Variants in ERAP1 observed in about 807,000 individuals in gnomAD.
The protein encoded by ERAP1 is adipocyte-derived leucine aminopeptidase.
ERAP1 carries 86 observed loss-of-function variants against 103.7 expected under a neutral mutation model. The ratio of observed to expected loss-of-function variants is 0.83; its 90% CI spans 0.70 to 0.99. ERAP1 has a LOEUF of 0.99. Ranked by LOEUF, ERAP1 falls within the 50% of genes least tolerant of loss-of-function variation. The pLI is 0.00. For missense variants in ERAP1, 1,009 were observed against 1,128.4 expected, an observed-to-expected ratio of 0.89 and a Z score of 1.52; for synonymous variants, 398 against 402.4, an observed-to-expected ratio of 0.99 and a Z score of 0.13.
At chr5:96,856,526 C>T in the ERAP1 span, among the ~76,000 whole-genome samples, 30 of 151,708 alleles carry the variant, frequency 2.0e-4, no homozygotes, top group East Asian at 4.9e-3. Context: ...TCAAACCCTA[C>T]GTCGTATCTT....
chr5:96,931,664 T>C, the ERAP1 span, among the ~76,000 whole-genome samples: 1 of 152,248 alleles, frequency 6.6e-6, no homozygotes, highest in South Asian at 2.1e-4. Flanking sequence ...AATATAGTTT[T>C]GGTAAATGAG....
chr5:96,853,363 T>G, the ERAP1 span, among the ~76,000 whole-genome samples: 1 of 152,146 alleles, frequency 6.6e-6, no homozygotes, highest in Non-Finnish European at 1.5e-5. Context: ...TGGAAAGAGA[T>G]GAGAAGTCTG....
At chr5:96,800,647 T>A (rs1393448235) in intron 3 of ERAP1, among the ~76,000 whole-genome samples, 1 of 152,338 alleles carries the variant, frequency 6.6e-6, no homozygotes, top group East Asian at 1.9e-4. Flanking sequence ...AATGGCACTG[T>A]TACTGAAATC....
chr5:96,905,595 T>C, the ERAP1 span, among the ~76,000 whole-genome samples: 2 of 152,122 alleles, frequency 1.3e-5, no homozygotes, highest in Non-Finnish European at 2.9e-5. Flanking sequence ...ATTTAAGAAT[T>C]AAAGGAGGCC....
At chr5:96,849,258 A>C in the ERAP1 span, among the ~76,000 whole-genome samples, 1 of 152,188 alleles carries the variant, frequency 6.6e-6, no homozygotes, top group African/African-American at 2.4e-5. Flanking sequence ...TAGTACTGGA[A>C]GTCCTAGCCA....
chr5:96,804,070 T>C (rs1778289171), intron 1 of ERAP1, 127 bp from the exon 2 acceptor site: 4 of 1,026,542 alleles, frequency 3.9e-6, no homozygotes, highest in Non-Finnish European at 5.8e-6. Flanking sequence ...TACTAGGTCT[T>C]TTCCTGAAAG....
chr5:96,887,970 C>T, the ERAP1 span, among the ~76,000 whole-genome samples: 2 of 151,574 alleles, frequency 1.3e-5, no homozygotes, highest in Non-Finnish European at 2.9e-5. Flanking sequence ...ACTAAAAATA[C>T]AAAAATTAGC....
At chr5:96,885,888 C>T in the ERAP1 span, among the ~76,000 whole-genome samples, 27 of 152,306 alleles carry the variant, frequency 1.8e-4, no homozygotes, top group South Asian at 2.1e-3. Context: ...ATGCAGCTGA[C>T]GAGACTGCAG....
exon 20 of ERAP1, chr5:96,762,101 C>A: frequency 2.3e-6 from 1 of 439,932 alleles, no homozygotes; most frequent in Non-Finnish European, 4.1e-6. Flanking sequence ...TAAAATAATA[C>A]AATAGAGAAG....
chr5:96,908,993 A>T, the ERAP1 span: 219 of 1,614,094 alleles, frequency 1.4e-4, no homozygotes, highest in Non-Finnish European at 1.6e-4. Context: ...AAAGCTCTTG[A>T]CATGACTTAC....
intron 19 of ERAP1, among the ~76,000 whole-genome samples, chr5:96,764,128 T>G (rs1161543064): frequency 6.6e-6 from 1 of 152,226 alleles, no homozygotes; most frequent in Non-Finnish European, 1.5e-5. Context: ...CACATTTTAA[T>G]TGAATTCATT....
rs1776591725 is a variant in ERAP1, at chr5:96,790,361, G to A, written c.1459C>T (p.Pro487Ser). Reference protein sequence around the residue: ...DLWDSMASICPTDGVKGMDGF... With the variant: ...DLWDSMASICSTDGVKGMDGF... Reference sequence around the variant, plus strand: ...TCCATCCCTTTTACACCATCTGTAGGGCAAATCTAAAAACCAAAAATAAAC... The same window carrying A: ...TCCATCCCTTTTACACCATCTGTAGAGCAAATCTAAAAACCAAAAATAAAC... The change falls in exon 10 of 19, where the codon CCT (proline) becomes TCT (serine). Residue 487 changes from proline to serine, a missense_variant. Pro to Ser is a moderately conservative substitution (Grantham distance 74). Transcript: ENST00000443439. The A allele has an allele frequency of 2.5e-6, 4 of 1,613,898 alleles. No individual in the cohort carries two copies. The highest frequency in any genetic ancestry group is 3.4e-6 in the Non-Finnish European group (4 of 1,179,938).
chr5:96,851,909 A>T, the ERAP1 span, among the ~76,000 whole-genome samples: 1 of 152,222 alleles, frequency 6.6e-6, no homozygotes, highest in African/African-American at 2.4e-5. Flanking sequence ...GGAAAAAAAC[A>T]GGCAGAGTAA....
chr5:96,922,988 G>C, the ERAP1 span, among the ~76,000 whole-genome samples: 1 of 115,276 alleles, frequency 8.7e-6, no homozygotes, highest in African/African-American at 3.4e-5. Context: ...TTTGTTTTTT[G>C]TTTTTTTTGA....
chr5:96,892,482 T>C, the ERAP1 span: 2 of 1,612,420 alleles, frequency 1.2e-6, no homozygotes, highest in Non-Finnish European at 1.7e-6. Context: ...ATTATCTCGA[T>C]ATCAGTTCAA....
At chr5:96,879,585 T>C in the ERAP1 span, 1 of 828,456 alleles carries the variant, frequency 1.2e-6, no homozygotes. Flanking sequence ...GTATTGAAAA[T>C]ATTGTTCAGA....
the ERAP1 span, chr5:96,880,279 A>C: frequency 6.3e-7 from 1 of 1,583,236 alleles, no homozygotes; most frequent in East Asian, 2.2e-5. Flanking sequence ...TTGCTCAGGT[A>C]ATTTACATTC....
chr5:96,864,619 A>G, the ERAP1 span, among the ~76,000 whole-genome samples: 4 of 152,226 alleles, frequency 2.6e-5, no homozygotes, highest in Non-Finnish European at 5.9e-5. Context: ...AATTTATAAT[A>G]AATTTAAGCC....
At chr5:96,824,707 C>T in the ERAP1 span, among the ~76,000 whole-genome samples, 12 of 152,288 alleles carry the variant, frequency 7.9e-5, no homozygotes, top group Admixed American at 7.2e-4. Flanking sequence ...GTCACATCCC[C>T]TTACTTCTCT....
Sources: gnomAD v4.1 joint callset for allele counts (sites outside exome capture counted in the v4.1 genomes callset) on GRCh38, gnomAD v4.1.1 for gene constraint, MANE v1.5 for transcripts, NCBI Gene and HGNC (gene_info 2026-07-23, HGNC 2026-07-21) for gene names.